GPC6: variants seen among roughly 807,000 people sequenced by gnomAD.
The protein encoded by GPC6 is glypican 6, also known as glypican-6.
In GPC6, 14 loss-of-function variants were observed where a neutral mutation model predicts 55.2. The observed-to-expected ratio is 0.25, with a 90% CI of 0.17 to 0.40. GPC6 has a LOEUF of 0.40. GPC6 is among the 10% of genes least tolerant of loss of function. The pLI, the probability that GPC6 is intolerant of heterozygous loss-of-function variation, is 1.00. For synonymous variants in GPC6, 278 were observed against 259.6 expected (o/e 1.07, Z -0.68); for missense variants, 641 against 708.5 (o/e 0.90, Z 1.08).
intron 2 of GPC6, among the ~76,000 whole-genome samples, chr13:93,752,982 C>A (rs1884649239): frequency 2.0e-5 from 3 of 152,172 alleles, no homozygotes; most frequent in Non-Finnish European, 4.4e-5. Flanking sequence ...CATTCTCAGT[C>A]TGAATTTAGA....
chr13:93,545,355 A>T lies in GPC6; in HGVS notation c.253A>T (p.Asn85Tyr), dbSNP rs1454356517. ...CCAACAAAGCAAACTCGAATTTGAA[A>T]ACCTTGTGGAAGAGACAAGCCATTT... The part of the protein sequence containing the change: ...LSQQSKLEFE[N>Y]LVEETSHFVR... Residue 85 changes from asparagine to tyrosine, a missense_variant, in exon 2 of 9, where the codon AAC becomes TAC. Coordinates refer to ENST00000377047, the MANE Select transcript of GPC6 (RefSeq NM_005708.5). 1.2e-6 allele frequency: 2 copies of T among 1,613,900 alleles called. No homozygotes were observed. The highest frequency in any genetic ancestry group is 1.7e-6 in the Non-Finnish European group (2 of 1,179,792).
chr13:93,438,926 A>T (rs973718201), intron 1 of GPC6, among the ~76,000 whole-genome samples: 36 of 152,220 alleles, frequency 2.4e-4, no homozygotes, highest in Middle Eastern at 3.4e-3. Context: ...CAGCCACCTC[A>T]ATGTCCAGCA....
At chr13:93,763,348 C>CA (rs1885012510) in intron 2 of GPC6, among the ~76,000 whole-genome samples, 1 of 152,192 alleles carries the variant, frequency 6.6e-6, no homozygotes, top group South Asian at 2.1e-4. Context: ...TCATACATCA[C>CA]ATTGCATAGC....
At chr13:93,527,342 C>A (rs9589761) in intron 1 of GPC6, among the ~76,000 whole-genome samples, 292 of 152,160 alleles carry the variant, frequency 1.9e-3, no homozygotes, top group African/African-American at 6.8e-3. Flanking sequence ...TTCACTCTTC[C>A]TCCTTATGCA....
chr13:93,885,688 A>C (rs867308905), intron 3 of GPC6, among the ~76,000 whole-genome samples: 1 of 152,200 alleles, frequency 6.6e-6, no homozygotes, highest in Non-Finnish European at 1.5e-5. Context: ...AATTCACTGT[A>C]GGTGTCAGAA....
intron 2 of GPC6, among the ~76,000 whole-genome samples, chr13:93,670,146 A>G (rs1032722996): frequency 2.0e-5 from 3 of 152,166 alleles, no homozygotes; most frequent in Non-Finnish European, 4.4e-5. Context: ...GCCTGGCCTT[A>G]CTAGCTCCTA....
At chr13:93,328,856 T>G (rs1879745676) in intron 1 of GPC6, among the ~76,000 whole-genome samples, 1 of 152,096 alleles carries the variant, frequency 6.6e-6, no homozygotes, top group Non-Finnish European at 1.5e-5. Flanking sequence ...CTTAGGAATC[T>G]TCCCTCAAAA....
At chr13:93,923,642 A>G (rs1464134380) in intron 3 of GPC6, among the ~76,000 whole-genome samples, 1 of 152,214 alleles carries the variant, frequency 6.6e-6, no homozygotes, top group Non-Finnish European at 1.5e-5. Context: ...AACTTACCCA[A>G]AGAAACCAAT....
intron 8 of GPC6, among the ~76,000 whole-genome samples, chr13:94,399,502 C>T (rs1176443218): frequency 1.3e-5 from 2 of 152,074 alleles, no homozygotes; most frequent in Non-Finnish European, 2.9e-5. Flanking sequence ...AAGAGAATTC[C>T]CAGGACAAGG....
At chr13:94,017,103 A>G (rs1594668871) in intron 3 of GPC6, among the ~76,000 whole-genome samples, 1 of 152,040 alleles carries the variant, frequency 6.6e-6, no homozygotes, top group East Asian at 1.9e-4. Context: ...AAAGTGCTGG[A>G]ATTACAGGTT....
intron 3 of GPC6, among the ~76,000 whole-genome samples, chr13:93,870,559 AT>A (rs1393422230): frequency 1.3e-5 from 2 of 151,776 alleles, no homozygotes; most frequent in Admixed American, 1.3e-4. Context: ...TAACCCCTAA[AT>A]TCATATGTTG....
intron 7 of GPC6, among the ~76,000 whole-genome samples, chr13:94,397,222 T>C (rs1880932638): frequency 6.6e-6 from 1 of 151,224 alleles, no homozygotes; most frequent in South Asian, 2.1e-4. Context: ...GTGAGAGAAA[T>C]GGGAAATGGG....
chr13:93,322,603 A>C (rs554839644), intron 1 of GPC6, among the ~76,000 whole-genome samples: 32 of 149,960 alleles, frequency 2.1e-4, no homozygotes, highest in Non-Finnish European at 4.5e-4. Context: ...TGCCCAGCTA[A>C]TTTTTTTTGT....
chr13:93,306,298 T>G (rs577206644), intron 1 of GPC6, among the ~76,000 whole-genome samples: 10 of 152,256 alleles, frequency 6.6e-5, no homozygotes, highest in African/African-American at 2.4e-4. Context: ...ATCCAAAGGT[T>G]TTGCTATTTT....
At position 94,152,474 on chromosome 13, in the gene GPC6, T is replaced by C. The variant is rs114814531; in HGVS notation, c.877+124580T>C. ...TTCTGAAAACTTAGTACATGTCAGG[T>C]ATTAGAACTGTATTTTTTATGATTT... On this transcript the variant is annotated intron_variant, in intron 4 of 8. Coordinates refer to ENST00000377047, the MANE Select transcript of GPC6 (RefSeq NM_005708.5). 4.7e-3 allele frequency among the ~76,000 whole-genome samples: 720 copies of C among 152,252 alleles called. 3 individuals carry two copies. The highest frequency in any genetic ancestry group is 0.017 in the African/African-American group (694 of 41,558).
chr13:93,307,819 A>G (rs909801592), intron 1 of GPC6, among the ~76,000 whole-genome samples: 4 of 152,160 alleles, frequency 2.6e-5, no homozygotes, highest in African/African-American at 9.7e-5. Flanking sequence ...GAAAAATGCC[A>G]AGAGAGTGAA....
chr13:94,028,477 C>T (rs752772470), intron 4 of GPC6, among the ~76,000 whole-genome samples: 10 of 150,370 alleles, frequency 6.7e-5, no homozygotes, highest in Non-Finnish European at 1.2e-4. Context: ...CATGCACTCC[C>T]GTGAGAAAGG....
At chr13:94,263,825 C>A (rs1003399762) in intron 4 of GPC6, among the ~76,000 whole-genome samples, 1 of 152,170 alleles carries the variant, frequency 6.6e-6, no homozygotes, top group Admixed American at 6.5e-5. Context: ...TGGCAGCAAG[C>A]TTTTAAAAAA....
rs9516321 is a variant in GPC6, at chr13:93,971,026, C to G, written c.712-56703C>G. ...TGCTACTCAAAAGCAAATTAGATTT[C>G]TCATAAGGCAACTTCTTTGAAAACA... On this transcript the variant is annotated intron_variant, in intron 3 of 8. Transcript: ENST00000377047. Among the ~76,000 whole-genome samples the G allele has an allele frequency of 1.6e-4, 24 of 152,290 alleles. 1 individual carries two copies. The highest frequency in any genetic ancestry group is 4.6e-4 in the Admixed American group (7 of 15,298).
Sources: gnomAD v4.1 joint callset for allele counts (sites outside exome capture counted in the v4.1 genomes callset) on GRCh38, gnomAD v4.1.1 for gene constraint, MANE v1.5 for transcripts, NCBI Gene and HGNC (gene_info 2026-07-23, HGNC 2026-07-21) for gene names.